The following ARV1 variants were observed in gnomAD, a reference collection of about 807,000 sequenced individuals.
ARV1 encodes ARV1 fatty acid homeostasis modulator.
In ARV1, 26 loss-of-function variants were observed where a neutral mutation model predicts 31.1. The ratio of observed to expected loss-of-function variants is 0.84; its 90% confidence interval spans 0.61 to 1.16. ARV1 has a LOEUF of 1.16. Ranked by LOEUF, ARV1 falls within the 50% of genes most tolerant of loss-of-function variation. The pLI, the probability that ARV1 is intolerant of heterozygous loss-of-function variation, is 0.00. For synonymous variants in ARV1, 117 were observed against 123.2 expected (o/e 0.95, Z 0.34); for missense variants, 281 against 324.9 (o/e 0.86, Z 1.04).
At chr1:230,996,027 T>TA in intron 4 of ARV1, 43 bp downstream of exon 4, 1 of 1,532,148 alleles carries the variant, frequency 6.5e-7, no homozygotes, top group Non-Finnish European at 8.9e-7. Context: ...TTTCAACCCA[T>TA]AAAAAGCTTA....
Position 230,990,163 on chromosome 1 carries a change from G to T in ARV1, c.348G>T (p.Trp116Cys), listed in dbSNP as rs143465936. The T allele has an allele frequency of 4.3e-6, 7 of 1,613,102 alleles. No homozygotes were observed. Among genetic ancestry groups the T allele is most frequent in the Non-Finnish European group, 5.9e-6 (7 of 1,179,814 alleles). The change falls in exon 3 of 6, where the codon TGG (tryptophan) becomes TGT (cysteine). Residue 116 changes from tryptophan to cysteine, a missense_variant. By Grantham distance (215) the Trp-to-Cys change is radical. Transcript: ENST00000310256. ...TGCTTTGTGAAGCATACCTGAGGTG[G>T]TGGCAGCTTCAAGATTCCAACCAGA... The part of the protein sequence containing the change: ...FCLLCEAYLR[W>C]WQLQDSNQNT...
At chr1:230,994,089 A>C (rs887243238) in intron 3 of ARV1, among the ~76,000 whole-genome samples, 3 of 150,240 alleles carry the variant, frequency 2.0e-5, no homozygotes, top group Admixed American at 6.7e-5. Context: ...AAACTGAGGA[A>C]AGTCTCCCGA....
At chr1:230,980,626 G>A (rs562581752) in intron 1 of ARV1, among the ~76,000 whole-genome samples, 4 of 152,152 alleles carry the variant, frequency 2.6e-5, no homozygotes, top group African/African-American at 9.6e-5. Flanking sequence ...GAGCCACTGC[G>A]AAAACAGAAG....
chr1:230,999,306 G>C (rs1248408563), intron 5 of ARV1, among the ~76,000 whole-genome samples: 1 of 152,028 alleles, frequency 6.6e-6, no homozygotes, highest in Non-Finnish European at 1.5e-5. Context: ...ATGCTCCTCA[G>C]CTCTTTTCAC....
chr1:230,990,291 T>A (rs1451945685), intron 3 of ARV1, 28 bp downstream of exon 3: 4 of 1,610,724 alleles, frequency 2.5e-6, no homozygotes, highest in Middle Eastern at 1.6e-4. Flanking sequence ...TTTCCATTCT[T>A]AGTTAACTAT....
intron 3 of ARV1, among the ~76,000 whole-genome samples, chr1:230,991,990 G>A (rs987126742): frequency 3.3e-5 from 5 of 152,112 alleles, no homozygotes; most frequent in African/African-American, 1.2e-4. Flanking sequence ...ACTGTTGCAG[G>A]CCACTCTCAT....
chr1:230,987,996 A>G (rs984068759), intron 1 of ARV1, among the ~76,000 whole-genome samples: 6 of 152,236 alleles, frequency 3.9e-5, no homozygotes, highest in Admixed American at 3.9e-4. Context: ...GTGGAATTGG[A>G]CATAGAGTCT....
chr1:230,980,653 T>G (rs1199930960), intron 1 of ARV1, among the ~76,000 whole-genome samples: 1 of 152,040 alleles, frequency 6.6e-6, no homozygotes, highest in Non-Finnish European at 1.5e-5. Context: ...TCCACCAGGT[T>G]TGCAACAACA....
At chr1:230,993,483 A>G (rs1679284939) in intron 3 of ARV1, among the ~76,000 whole-genome samples, 1 of 152,212 alleles carries the variant, frequency 6.6e-6, no homozygotes. Flanking sequence ...ATGGGTTGGA[A>G]TTCTTATAGC....
intron 1 of ARV1, among the ~76,000 whole-genome samples, chr1:230,980,775 A>C (rs1678882240): frequency 1.3e-5 from 2 of 151,652 alleles, no homozygotes; most frequent in South Asian, 4.2e-4. Flanking sequence ...AAAAAAAAAA[A>C]AAAACCAACA....
chr1:230,993,712 T>C (rs888850619), intron 3 of ARV1, among the ~76,000 whole-genome samples: 2 of 152,082 alleles, frequency 1.3e-5, no homozygotes, highest in African/African-American at 4.8e-5. Context: ...CTGGGCAACA[T>C]GGCAATATTC....
intron 3 of ARV1, among the ~76,000 whole-genome samples, chr1:230,992,885 A>G (rs370083424): frequency 5.3e-5 from 8 of 152,314 alleles, no homozygotes; most frequent in East Asian, 3.9e-4. Context: ...CTTAACCGCC[A>G]TGATGTCCAG....
intron 3 of ARV1, among the ~76,000 whole-genome samples, chr1:230,995,012 AAAAAT>A (rs1389290826): frequency 7.2e-5 from 11 of 152,258 alleles, no homozygotes; most frequent in Non-Finnish European, 1.6e-4. Context: ...TTATATGGGA[AAAAAT>A]AAAATAAGGG....
intron 1 of ARV1, among the ~76,000 whole-genome samples, chr1:230,981,482 T>G (rs999890966): frequency 5.9e-5 from 9 of 152,190 alleles, no homozygotes; most frequent in Non-Finnish European, 1.2e-4. Context: ...ATTCAGGTAT[T>G]CAGCAAATCC....
At chr1:230,985,498 T>C (rs1679039503) in intron 1 of ARV1, among the ~76,000 whole-genome samples, 1 of 152,192 alleles carries the variant, frequency 6.6e-6, no homozygotes, top group African/African-American at 2.4e-5. Flanking sequence ...TTGTTATACA[T>C]GTAATAGCCA....
chr1:230,998,753 A>AAAAAAAC (rs1679446547), intron 5 of ARV1, among the ~76,000 whole-genome samples: 1 of 152,034 alleles, frequency 6.6e-6, no homozygotes, highest in South Asian at 2.1e-4. Context: ...AGGAAAAAAA[A>AAAAAAAC]AAAAAACAAT....
At chr1:230,990,387 A>C in intron 3 of ARV1, 124 bp downstream of exon 3, 1 of 1,285,862 alleles carries the variant, frequency 7.8e-7, no homozygotes, top group East Asian at 2.4e-5. Flanking sequence ...CTTAAGATGA[A>C]ATTTTCAGCT....
intron 5 of ARV1, among the ~76,000 whole-genome samples, chr1:230,999,388 G>A (rs1679462992): frequency 6.6e-6 from 1 of 152,194 alleles, no homozygotes; most frequent in Non-Finnish European, 1.5e-5. Flanking sequence ...CTGCTGCCAT[G>A]TAAGTCTTCA....
chr1:230,986,948 G>T (rs1389440881), intron 1 of ARV1, among the ~76,000 whole-genome samples: 1 of 152,090 alleles, frequency 6.6e-6, no homozygotes, highest in Non-Finnish European at 1.5e-5. Flanking sequence ...ACAGGTAGAA[G>T]ATTCATTCTT....
Sources: gnomAD v4.1 joint callset for allele counts (sites outside exome capture counted in the v4.1 genomes callset) on GRCh38, gnomAD v4.1.1 for gene constraint, MANE v1.5 for transcripts, NCBI Gene and HGNC (gene_info 2026-07-23, HGNC 2026-07-21) for gene names.